The following AFF3 variants were observed in gnomAD, a reference collection of about 807,000 sequenced individuals.
The protein encoded by AFF3 is ALF transcription elongation factor 3, also known as AF4/FMR2 family member 3.
A neutral mutation model predicts 129.7 loss-of-function variants in AFF3; 32 were observed. The observed-to-expected ratio is 0.25, with a 90% confidence interval of 0.19 to 0.33. The LOEUF (loss-of-function observed/expected upper bound fraction) is 0.33, where lower values mean the gene tolerates loss of function less well. AFF3 is among the 10% of genes least tolerant of loss of function. AFF3 has a pLI of 1.00. For synonymous variants in AFF3, 644 were observed against 635.4 expected (o/e 1.01, Z -0.20); for missense variants, 1,373 against 1,592.0 (o/e 0.86, Z 2.34).
chr2:99,756,531 T>C (rs1682114400), intron 8 of AFF3, among the ~76,000 whole-genome samples: 1 of 152,244 alleles, frequency 6.6e-6, no homozygotes, highest in Non-Finnish European at 1.5e-5. Context: ...AGCTAATACC[T>C]GCCTGCACCC....
intron 7 of AFF3, among the ~76,000 whole-genome samples, chr2:99,864,524 C>G (rs948975836): frequency 2.0e-5 from 3 of 152,136 alleles, no homozygotes; most frequent in African/African-American, 7.2e-5. Context: ...TTGGGAGAGT[C>G]TCTCAAGTTA....
At chr2:100,004,172 T>G (rs1287173053) in intron 7 of AFF3, among the ~76,000 whole-genome samples, 2 of 152,146 alleles carry the variant, frequency 1.3e-5, no homozygotes, top group African/African-American at 4.8e-5. Context: ...GCTAACATCC[T>G]CAAAAACCAT....
intron 7 of AFF3, among the ~76,000 whole-genome samples, chr2:99,857,906 C>T (rs1305781112): frequency 6.6e-6 from 1 of 152,114 alleles, no homozygotes; most frequent in Non-Finnish European, 1.5e-5. Context: ...GCTGGTTTAC[C>T]ACATTATACT....
At chr2:99,719,574 GT>G (rs1678701904) in intron 11 of AFF3, among the ~76,000 whole-genome samples, 1 of 152,028 alleles carries the variant, frequency 6.6e-6, no homozygotes, top group South Asian at 2.1e-4. Flanking sequence ...ATATCTTAAA[GT>G]TTTCATAGAA....
At chr2:100,062,889 C>T (rs189980893) in intron 4 of AFF3, among the ~76,000 whole-genome samples, 4 of 152,244 alleles carry the variant, frequency 2.6e-5, no homozygotes, top group Admixed American at 2.6e-4. Flanking sequence ...AAAATAACTA[C>T]ATATGAAAGG....
At chr2:99,738,654 CTTTCCTGT>C (rs1425081869) in intron 10 of AFF3, among the ~76,000 whole-genome samples, 1 of 152,070 alleles carries the variant, frequency 6.6e-6, no homozygotes. Flanking sequence ...GTTGGCGTGG[CTTTCCTGT>C]ATCAGTATTC....
At chr2:99,796,041 A>G (rs754247703) in intron 8 of AFF3, among the ~76,000 whole-genome samples, 4 of 152,212 alleles carry the variant, frequency 2.6e-5, no homozygotes, top group Admixed American at 6.5e-5. Flanking sequence ...AGCAGCCTTC[A>G]GAGCTAAAGA....
At chr2:100,018,661 C>T (rs1437833902) in intron 4 of AFF3, among the ~76,000 whole-genome samples, 1 of 151,910 alleles carries the variant, frequency 6.6e-6, no homozygotes, top group Non-Finnish European at 1.5e-5. Flanking sequence ...TATAAAAGTG[C>T]CTTGGGATGA....
intron 4 of AFF3, among the ~76,000 whole-genome samples, chr2:100,066,257 G>A (rs1026026501): frequency 3.9e-5 from 6 of 152,188 alleles, no homozygotes; most frequent in African/African-American, 1.4e-4. Flanking sequence ...CTTTGGAGCT[G>A]AATTCTAAAA....
At chr2:99,717,337 T>C (rs1435568341) in intron 11 of AFF3, among the ~76,000 whole-genome samples, 4 of 152,240 alleles carry the variant, frequency 2.6e-5, no homozygotes, top group Non-Finnish European at 5.9e-5. Flanking sequence ...TTTACACTCC[T>C]ACTAGCAACG....
chr2:99,610,240 G>C (rs1272033305), intron 13 of AFF3, among the ~76,000 whole-genome samples: 1 of 152,076 alleles, frequency 6.6e-6, no homozygotes, highest in Non-Finnish European at 1.5e-5. Context: ...TCACCATAAA[G>C]ATCTCCCTCA....
intron 12 of AFF3, among the ~76,000 whole-genome samples, chr2:99,655,343 G>C (rs534521559): frequency 4.1e-4 from 63 of 152,144 alleles, no homozygotes; most frequent in African/African-American, 1.3e-3. Flanking sequence ...ACCTTGTTTG[G>C]AATGAGTGTC....
chr2:99,604,611 A>T (rs1333126484), intron 13 of AFF3, among the ~76,000 whole-genome samples: 1 of 152,224 alleles, frequency 6.6e-6, no homozygotes, highest in Non-Finnish European at 1.5e-5. Flanking sequence ...CACATCCTGC[A>T]CAGGTGCCCC....
chr2:99,607,401 G>A (rs1011880975), intron 13 of AFF3, among the ~76,000 whole-genome samples: 1 of 151,780 alleles, frequency 6.6e-6, no homozygotes, highest in African/African-American at 2.4e-5. Context: ...GTGTGGTGGT[G>A]GGCGCCTATA....
intron 7 of AFF3, among the ~76,000 whole-genome samples, chr2:99,938,441 T>A (rs1203171650): frequency 6.6e-6 from 1 of 152,082 alleles, no homozygotes; most frequent in Non-Finnish European, 1.5e-5. Context: ...TCGATGATGA[T>A]GATGATGATG....
chr2:99,662,689 T>C (rs1347141252), intron 12 of AFF3, among the ~76,000 whole-genome samples: 1 of 152,202 alleles, frequency 6.6e-6, no homozygotes, highest in Non-Finnish European at 1.5e-5. Flanking sequence ...ACATTGACAA[T>C]ACAGTTCATT....
At chr2:99,690,894 A>C (rs1397514977) in intron 11 of AFF3, among the ~76,000 whole-genome samples, 1 of 151,978 alleles carries the variant, frequency 6.6e-6, no homozygotes, top group African/African-American at 2.4e-5. Context: ...CAGAGAGGTC[A>C]GGAGAAAGGA....
intron 4 of AFF3, among the ~76,000 whole-genome samples, chr2:100,085,971 G>A (rs1205265496): frequency 1.3e-5 from 2 of 152,140 alleles, no homozygotes; most frequent in East Asian, 3.9e-4. Context: ...TGCTGTGGCA[G>A]GGCTACTTGG....
At chr2:99,579,405 CAAA>C (rs778716552) in intron 17 of AFF3, among the ~76,000 whole-genome samples, 3 of 106,888 alleles carry the variant, frequency 2.8e-5, no homozygotes, top group Admixed American at 1.2e-4. Context: ...AACTCCGTCT[CAAA>C]AAAAAAAAAA....
Sources: gnomAD v4.1 joint callset for allele counts (sites outside exome capture counted in the v4.1 genomes callset) on GRCh38, gnomAD v4.1.1 for gene constraint, MANE v1.5 for transcripts, NCBI Gene and HGNC (gene_info 2026-07-23, HGNC 2026-07-21) for gene names.